PODNL1: variants seen among roughly 807,000 people sequenced by gnomAD.
PODNL1 encodes the protein podocan like 1.
In PODNL1, 50 loss-of-function variants were observed where a neutral mutation model predicts 45.1. That is an observed-to-expected ratio of 1.11 (90% CI 0.88 to 1.40). PODNL1 has a LOEUF of 1.40. Among genes scored for constraint, PODNL1 ranks in the 40% most tolerant of loss-of-function variants. The pLI, the probability that PODNL1 is intolerant of heterozygous loss-of-function variation, is 0.00. For missense variants in PODNL1, 788 were observed against 793.3 expected, an observed-to-expected ratio of 0.99 and a Z score of 0.08; for synonymous variants, 406 against 372.5, an observed-to-expected ratio of 1.09 and a Z score of -1.04.
chr19:13,952,373 TGGCTTTGATGGACA>T, intron 1 of PODNL1: 2 of 1,134,032 alleles, frequency 1.8e-6, no homozygotes, highest in East Asian at 6.4e-5. Context: ...AGAGTCGAGA[TGGCTTTGATGGACA>T]GGCATAGCGC....
At chr19:13,945,904 CTT>C (rs939035129) in intron 1 of PODNL1, among the ~76,000 whole-genome samples, 3 of 144,470 alleles carry the variant, frequency 2.1e-5, no homozygotes, top group African/African-American at 7.7e-5. Flanking sequence ...AAAAAACAAA[CTT>C]TTTAATTAGC....
chr19:13,931,791 G>C lies in PODNL1; in HGVS notation c.1671C>G (p.Val557=). 1 of 1,231,818 alleles carries C rather than the reference G, an allele frequency of 8.1e-7. No homozygotes were observed. Among genetic ancestry groups the C allele is most frequent in the Non-Finnish European group, 1.0e-6 (1 of 987,916 alleles). The allele number at this position is 1,231,818 out of a possible 1,614,324, so 76.3% of individuals were successfully genotyped here. A position where few individuals can be genotyped will look rare whatever the true frequency, so the allele number is the denominator to read the frequency against. ...GGGTGGTGGGAGGCAGCCGGATCAGGACCTGCTCCGGATTCCCTGCCGTGT... is the reference window on the plus strand; with the variant it reads ...GGGTGGTGGGAGGCAGCCGGATCAGCACCTGCTCCGGATTCCCTGCCGTGT... ...VVDTAGNPEQ[V]LIRLPPTTPR... The change falls in exon 10 of 10, where the codon GTC becomes GTG. Residue 557 remains valine, a synonymous_variant. Transcript: ENST00000588872.
chr19:13,934,497 C>CGGTG, intron 5 of PODNL1, 87 bp from the exon 6 acceptor site: 1 of 1,211,008 alleles, frequency 8.3e-7, no homozygotes, highest in Non-Finnish European at 1.1e-6. Flanking sequence ...GGGTCGCCTT[C>CGGTG]AGTGTGTGTG....
intron 1 of PODNL1, 48 bp from the exon 2 acceptor site, chr19:13,938,054 G>A (rs942502507): frequency 8.3e-6 from 12 of 1,451,260 alleles, no homozygotes; most frequent in Admixed American, 2.1e-5. Flanking sequence ...GCGCAGGGTC[G>A]CCATGGTGAC....
At chr19:13,953,179 G>T (rs1973164587) in exon 1 of PODNL1, 2 of 1,508,980 alleles carry the variant, frequency 1.3e-6, no homozygotes, top group South Asian at 2.5e-5. Context: ...GTCTTCCCCC[G>T]CAGAGTGAGA....
chr19:13,935,903 C>T, intron 4 of PODNL1, 73 bp from the exon 5 acceptor site: 1 of 1,539,982 alleles, frequency 6.5e-7, no homozygotes, highest in Non-Finnish European at 8.8e-7. Context: ...GCAGAGCTGT[C>T]CCCTCCACAC....
chr19:13,934,866 T>TGC (rs1972232361), intron 5 of PODNL1, among the ~76,000 whole-genome samples: 1 of 151,798 alleles, frequency 6.6e-6, no homozygotes, highest in Admixed American at 6.6e-5. Flanking sequence ...ATTGTGTGTG[T>TGC]GCAGCCGAGT....
intron 1 of PODNL1, among the ~76,000 whole-genome samples, chr19:13,950,632 A>C (rs145482194): frequency 2.2e-3 from 341 of 152,312 alleles, no homozygotes; most frequent in Non-Finnish European, 4.0e-3. Flanking sequence ...ATCACTGGTG[A>C]TGTTGATTTT....
At position 13,937,725 on chromosome 19, in the gene PODNL1, A is replaced by G. The variant is rs1345291293; in HGVS notation, c.225+60T>C. On this transcript the variant is annotated intron_variant, in intron 2 of 9. Coordinates refer to ENST00000588872, the MANE Select transcript of PODNL1 (RefSeq NM_001370095.3). ...CTCCTCAGCTCTGGGGCACCCCTCC[A>G]GCTCCCCTCACCACTGGGTCTCAGC... 8 of 1,485,344 alleles carry G rather than the reference A, an allele frequency of 5.4e-6. No homozygotes were observed. The Admixed American group carries it at 1.6e-4, about 30-fold the overall frequency. The allele number at this position is 1,485,344 out of a possible 1,614,324, so 92.0% of individuals were successfully genotyped here.
rs377509276 is a variant in PODNL1, at chr19:13,932,912, G to A, written c.1311C>T (p.Leu437=). 3.8e-5 allele frequency: 61 copies of A among 1,585,236 alleles called. No homozygotes were observed. The African/African-American group carries it at 5.9e-4, about 15-fold the overall frequency. The part of the protein sequence containing the change: ...LQLQRNQLRM[L]EPEPLAGLDQ... ...CCAGGCCGGCCAGAGGCTCGGGCTC[G>A]AGCATCCGCAGCTGGTTGCGTTGCA... The change falls in exon 8 of 10, where the codon CTC becomes CTT. Residue 437 remains leucine (L), a synonymous_variant. Coordinates refer to ENST00000588872, the MANE Select transcript of PODNL1 (RefSeq NM_001370095.3).
At chr19:13,940,570 C>CAAAAA (rs759568554), upstream of PODNL1, among the ~76,000 whole-genome samples, 1 of 83,216 alleles carries the variant, frequency 1.2e-5, no homozygotes, top group Non-Finnish European at 2.2e-5. Flanking sequence ...GACTCCGTCT[C>CAAAAA]AAAAAAAAAA....
chr19:13,934,503 G>C (rs938800450), intron 5 of PODNL1, 93 bp from the exon 6 acceptor site: 1 of 977,638 alleles, frequency 1.0e-6, no homozygotes, highest in African/African-American at 1.7e-5. Flanking sequence ...CCTTCAGTGT[G>C]TGTGTGTGTG....
chr19:13,953,174 C>A, exon 1 of PODNL1: 3 of 1,517,690 alleles, frequency 2.0e-6, no homozygotes, highest in Non-Finnish European at 8.8e-7. Context: ...GCTGAGTCTT[C>A]CCCCGCAGAG....
intron 1 of PODNL1, among the ~76,000 whole-genome samples, chr19:13,950,802 T>C (rs781594292): frequency 6.6e-6 from 1 of 152,040 alleles, no homozygotes; most frequent in Non-Finnish European, 1.5e-5. Flanking sequence ...CTCAGCACTT[T>C]GGGAGGGTGA....
rs1248383451 is a variant in PODNL1, at chr19:13,952,472, G to T, written c.18+647C>A. The T allele has an allele frequency of 6.4e-6, 8 of 1,246,982 alleles. No individual in the cohort carries two copies. In the African/African-American group the frequency reaches 9.3e-5, roughly 15 times the overall value. The allele number at this position is 1,246,982 out of a possible 1,614,324, so 77.2% of individuals were successfully genotyped here. On this transcript the variant is annotated intron_variant, in intron 1 of 7. Coordinates refer to the PODNL1 transcript ENST00000538371. ...AATGAGGAGGCGGCAGGGGTGGGGC[G>T]AAGGGGCCGGTTGCTCCGGAAGTGG...
intron 1 of PODNL1, 34 bp downstream of exon 1, chr19:13,938,145 C>G (rs1599439815): frequency 1.3e-6 from 2 of 1,572,496 alleles, no homozygotes; most frequent in Non-Finnish European, 1.7e-6. Context: ...GGCAGGCAGG[C>G]CCCACCCTCA....
At chr19:13,949,425 G>C (rs1334812971) in intron 1 of PODNL1, 2 of 151,854 alleles carry the variant, frequency 1.3e-5, no homozygotes, top group Non-Finnish European at 2.9e-5. Context: ...TCCCGACTCA[G>C]CCTCCCACGT....
intron 1 of PODNL1, chr19:13,949,427 C>A (rs910645880): frequency 5.9e-5 from 9 of 152,018 alleles, no homozygotes; most frequent in African/African-American, 2.2e-4. Context: ...CCGACTCAGC[C>A]TCCCACGTAC....
At chr19:13,938,092 TTGG>T in intron 1 of PODNL1, 84 bp downstream of exon 1, 3 of 1,490,588 alleles carry the variant, frequency 2.0e-6, no homozygotes, top group Non-Finnish European at 2.7e-6. Flanking sequence ...GGGGAGGGTC[TTGG>T]TGGGGAGGCA....
Sources: gnomAD v4.1 joint callset for allele counts (sites outside exome capture counted in the v4.1 genomes callset) on GRCh38, gnomAD v4.1.1 for gene constraint, MANE v1.5 for transcripts, NCBI Gene and HGNC (gene_info 2026-07-23, HGNC 2026-07-21) for gene names.